CBLN2: variants seen among roughly 807,000 people sequenced by gnomAD.
The protein encoded by CBLN2 is cerebellin-2.
CBLN2 carries 7 observed loss-of-function variants against 15.0 expected under a neutral mutation model. The observed-to-expected ratio is 0.47, with a 90% confidence interval of 0.27 to 0.88. The LOEUF (loss-of-function observed/expected upper bound fraction) is 0.88, where lower values mean the gene tolerates loss of function less well. CBLN2 is among the 40% of genes least tolerant of loss of function. The probability of loss-of-function intolerance (pLI) is 0.14; values close to 1 mark genes in which losing one functional copy is unlikely to be tolerated. For synonymous variants in CBLN2, 149 were observed against 135.2 expected (o/e 1.10, Z -0.71); for missense variants, 242 against 304.5 (o/e 0.79, Z 1.53).
intron 1 of CBLN2, among the ~76,000 whole-genome samples, chr18:72,555,516 G>C (rs1466616857): frequency 6.6e-6 from 1 of 152,068 alleles, no homozygotes; most frequent in Non-Finnish European, 1.5e-5. Context: ...GCCGTTGAAA[G>C]TAATGGCAAA....
intron 1 of CBLN2, among the ~76,000 whole-genome samples, chr18:72,554,015 C>A (rs902873437): frequency 1.3e-5 from 2 of 152,158 alleles, no homozygotes; most frequent in African/African-American, 4.8e-5. Flanking sequence ...TAATGAAGAA[C>A]TAGTGTAGCA....
intron 1 of CBLN2, among the ~76,000 whole-genome samples, chr18:72,585,682 A>G (rs921516317): frequency 1.6e-4 from 25 of 152,116 alleles, no homozygotes; most frequent in Admixed American, 5.9e-4. Context: ...CCAAGGACCC[A>G]CCCCTTTCCA....
chr18:72,557,166 T>A (rs1359759130), intron 1 of CBLN2, among the ~76,000 whole-genome samples: 2 of 152,086 alleles, frequency 1.3e-5, no homozygotes, highest in Non-Finnish European at 2.9e-5. Flanking sequence ...GCTATTTAAT[T>A]TGCTTTAATT....
At position 72,538,353 on chromosome 18, in the gene CBLN2, G is replaced by T; in HGVS notation, c.498C>A (p.Gly166=). 1 of 1,614,136 alleles carries T rather than the reference G, an allele frequency of 6.2e-7. No individual in the cohort carries two copies. The highest frequency in any genetic ancestry group is 2.2e-5 in the East Asian group (1 of 44,860). The part of the protein sequence containing the change: ...QTIQVSLMQN[G]YPVISAFAGD... ...CTGCAAAGGCCGAGATCACTGGGTA[G>T]CCATTCTGCATTAAACTGACCTAAA... The change falls in exon 5 of 5, where the codon GGC becomes GGA. Residue 166 remains glycine, a synonymous_variant. Coordinates refer to ENST00000269503, the MANE Select transcript of CBLN2 (RefSeq NM_182511.4).
Position 72,538,172 on chromosome 18 carries a change from G to T in CBLN2, c.*4C>A, listed in dbSNP as rs751503806. On this transcript the variant is annotated 3_prime_UTR_variant, in exon 5 of 5. Transcript: ENST00000269503. The stretch of plus-strand genomic sequence containing the variant: ...ATTCCCCCACCATCTAGGGGGCTCT[G>T]TGTTTATAGAGGAAACACCAAGAAG... 3 of 1,614,058 alleles carry T rather than the reference G, an allele frequency of 1.9e-6. No homozygotes were observed. The East Asian group carries it at 6.7e-5, about 36-fold the overall frequency.
intron 1 of CBLN2, among the ~76,000 whole-genome samples, chr18:72,585,704 G>C (rs2069438056): frequency 6.6e-6 from 1 of 152,198 alleles, no homozygotes; most frequent in South Asian, 2.1e-4. Context: ...CCAGAAGCCT[G>C]TCTGCCTCCT....
chr18:72,541,535 T>A (rs1343326692), intron 3 of CBLN2, among the ~76,000 whole-genome samples: 1 of 152,232 alleles, frequency 6.6e-6, no homozygotes, highest in Non-Finnish European at 1.5e-5. Flanking sequence ...TTTACGGAAC[T>A]CTTAGAAAGC....
intron 1 of CBLN2, among the ~76,000 whole-genome samples, chr18:72,576,430 G>T (rs1037775837): frequency 2.0e-5 from 3 of 152,112 alleles, no homozygotes; most frequent in Non-Finnish European, 2.9e-5. Flanking sequence ...TGTGCAGCCG[G>T]TTATATCATA....
At chr18:72,593,961 G>T (rs2069496965) in intron 1 of CBLN2, among the ~76,000 whole-genome samples, 1 of 152,128 alleles carries the variant, frequency 6.6e-6, no homozygotes, top group South Asian at 2.1e-4. Flanking sequence ...CCATAAAAAA[G>T]GATGAATTCA....
At chr18:72,625,810 C>CTATATATA (rs771321456) in intron 1 of CBLN2, among the ~76,000 whole-genome samples, 34 of 67,694 alleles carry the variant, frequency 5.0e-4, no homozygotes, top group East Asian at 1.3e-3. Flanking sequence ...CTCTCTCTCT[C>CTATATATA]TCTCTCTCTA....
intron 1 of CBLN2, among the ~76,000 whole-genome samples, chr18:72,624,260 A>G (rs1298064701): frequency 1.3e-5 from 2 of 150,684 alleles, no homozygotes; most frequent in Non-Finnish European, 3.0e-5. Flanking sequence ...GCCCTTGCAT[A>G]CTCCAGACCC....
intron 1 of CBLN2, among the ~76,000 whole-genome samples, chr18:72,576,397 A>G (rs2069366727): frequency 6.6e-6 from 1 of 152,206 alleles, no homozygotes; most frequent in Non-Finnish European, 1.5e-5. Context: ...TGTCCACCTC[A>G]AATTTTGCCA....
At chr18:72,581,198 T>A (rs911871084) in intron 1 of CBLN2, among the ~76,000 whole-genome samples, 1 of 152,374 alleles carries the variant, frequency 6.6e-6, no homozygotes, top group South Asian at 2.1e-4. Context: ...CAGTCTTGAA[T>A]AATGTCTTCC....
intron 1 of CBLN2, among the ~76,000 whole-genome samples, chr18:72,635,548 A>G (rs1270687214): frequency 1.3e-5 from 2 of 152,160 alleles, no homozygotes; most frequent in Non-Finnish European, 2.9e-5. Flanking sequence ...ACTTATAACA[A>G]TGTTTTATAA....
upstream of CBLN2, among the ~76,000 whole-genome samples, chr18:72,548,535 C>T (rs371395126): frequency 7.9e-5 from 12 of 152,232 alleles, no homozygotes; most frequent in African/African-American, 2.6e-4. Flanking sequence ...ACCTGGTTAT[C>T]GCTCAGGATC....
chr18:72,597,184 C>T (rs2069518954), intron 1 of CBLN2, among the ~76,000 whole-genome samples: 1 of 152,188 alleles, frequency 6.6e-6, no homozygotes, highest in African/African-American at 2.4e-5. Flanking sequence ...GAAGGCTTTC[C>T]ATGTATTTGA....
chr18:72,603,656 C>G (rs1054513523), intron 1 of CBLN2, among the ~76,000 whole-genome samples: 10 of 152,188 alleles, frequency 6.6e-5, no homozygotes, highest in African/African-American at 2.4e-4. Context: ...TCCTTTCATT[C>G]GTCATCAGTC....
At chr18:72,608,686 AT>A (rs2058418770) in intron 1 of CBLN2, among the ~76,000 whole-genome samples, 1 of 152,168 alleles carries the variant, frequency 6.6e-6, no homozygotes, top group East Asian at 1.9e-4. Context: ...TGTGAGAAAG[AT>A]TTGCTCCCAC....
At chr18:72,549,893 T>C (rs1257080792) in intron 1 of CBLN2, among the ~76,000 whole-genome samples, 5 of 150,916 alleles carry the variant, frequency 3.3e-5, no homozygotes, top group Non-Finnish European at 5.9e-5. Flanking sequence ...GGTTGAAGAT[T>C]TTACGTGTTT....
Sources: gnomAD v4.1 joint callset for allele counts (sites outside exome capture counted in the v4.1 genomes callset) on GRCh38, gnomAD v4.1.1 for gene constraint, MANE v1.5 for transcripts, NCBI Gene and HGNC (gene_info 2026-07-23, HGNC 2026-07-21) for gene names.